Variants in INPP4B observed in about 807,000 individuals in gnomAD.
INPP4B encodes inositol polyphosphate 4-phosphatase type II.
In INPP4B, 55 loss-of-function variants were observed where a neutral mutation model predicts 122.5. The observed-to-expected ratio is 0.45, with a 90% CI of 0.36 to 0.56. The LOEUF (loss-of-function observed/expected upper bound fraction) is 0.56. INPP4B is among the 20% of genes least tolerant of loss of function. The pLI is 0.00. For synonymous variants in INPP4B, 403 were observed against 388.7 expected (o/e 1.04, Z -0.43); for missense variants, 1,000 against 1,097.7 (o/e 0.91, Z 1.26).
intron 1 of INPP4B, among the ~76,000 whole-genome samples, chr4:142,742,281 T>C (rs1166975638): frequency 1.3e-5 from 2 of 152,034 alleles, no homozygotes; most frequent in Admixed American, 6.6e-5. Flanking sequence ...GGGGACATTT[T>C]TGTGGAACCC....
At chr4:142,756,712 C>A (rs1489342829) in intron 1 of INPP4B, among the ~76,000 whole-genome samples, 1 of 151,986 alleles carries the variant, frequency 6.6e-6, no homozygotes, top group Admixed American at 6.6e-5. Context: ...AAAGAACAGA[C>A]CTGAATTAAT....
At position 142,780,022 on chromosome 4, in the gene INPP4B, ACTT is replaced by A. The variant is rs551645019; in HGVS notation, c.-253-54124_-253-54122del. Among the ~76,000 whole-genome samples the A allele has an allele frequency of 9.2e-4, 140 of 152,266 alleles. 2 individuals are homozygous for A. Among genetic ancestry groups the A allele is most frequent in the Non-Finnish European group, 1.6e-4 (11 of 68,014 alleles). On this transcript the variant is annotated intron_variant, in intron 1 of 25. Transcript: ENST00000262992. ...AGAAGATGTGTCCAAATCGCAGTGC[ACTT>A]CAGAGAAATGAGCCCATATTTACTA... is the stretch of plus-strand genomic sequence containing the variant.
chr4:142,770,492 G>A (rs145263322), intron 1 of INPP4B, among the ~76,000 whole-genome samples: 3 of 151,968 alleles, frequency 2.0e-5, no homozygotes, highest in African/African-American at 7.2e-5. Flanking sequence ...GGCACCAGGA[G>A]CATCAAATCT....
intron 25 of INPP4B, among the ~76,000 whole-genome samples, chr4:142,072,243 G>T (rs1034336219): frequency 1.3e-5 from 2 of 151,828 alleles, no homozygotes; most frequent in African/African-American, 4.8e-5. Context: ...AGGACAGAAA[G>T]CCAAACACCA....
chr4:142,554,871 C>G (rs1178596276), intron 2 of INPP4B, among the ~76,000 whole-genome samples: 1 of 152,156 alleles, frequency 6.6e-6, no homozygotes, highest in Non-Finnish European at 1.5e-5. Context: ...TTAAACATAC[C>G]ATGTTTTTCC....
At chr4:142,150,145 A>C (rs1813034421) in intron 17 of INPP4B, among the ~76,000 whole-genome samples, 1 of 152,194 alleles carries the variant, frequency 6.6e-6, no homozygotes, top group Non-Finnish European at 1.5e-5. Context: ...CACAGGGGAA[A>C]TGCCTTATGC....
chr4:142,126,734 T>C (rs920724224), intron 18 of INPP4B, among the ~76,000 whole-genome samples: 11 of 152,124 alleles, frequency 7.2e-5, no homozygotes, highest in Non-Finnish European at 1.3e-4. Context: ...AACTGTTGAT[T>C]CTTATGTCAT....
At chr4:142,819,119 C>G (rs938368186) in intron 1 of INPP4B, among the ~76,000 whole-genome samples, 1 of 152,122 alleles carries the variant, frequency 6.6e-6, no homozygotes, top group Non-Finnish European at 1.5e-5. Context: ...ACTTGTATTC[C>G]CACCCTTTGG....
At chr4:142,198,857 C>T (rs565115663) in intron 14 of INPP4B, among the ~76,000 whole-genome samples, 1 of 152,166 alleles carries the variant, frequency 6.6e-6, no homozygotes, top group African/African-American at 2.4e-5. Context: ...CTCACACTCT[C>T]CTAAGGCTCT....
intron 25 of INPP4B, among the ~76,000 whole-genome samples, chr4:142,041,025 A>C (rs1272006916): frequency 6.6e-6 from 1 of 152,214 alleles, no homozygotes; most frequent in African/African-American, 2.4e-5. Context: ...CTGAGAAGGC[A>C]GTCTGACTCC....
chr4:142,845,585 A>G (rs1261132570), intron 1 of INPP4B, among the ~76,000 whole-genome samples: 1 of 152,162 alleles, frequency 6.6e-6, no homozygotes, highest in African/African-American at 2.4e-5. Context: ...CTCTGCCAGA[A>G]TGAGTTGTTG....
intron 15 of INPP4B, among the ~76,000 whole-genome samples, chr4:142,176,987 C>T (rs539780637): frequency 1.1e-3 from 171 of 152,280 alleles, no homozygotes; most frequent in African/African-American, 3.8e-3. Flanking sequence ...GCTCTCCTAA[C>T]CTTTTTCATC....
At chr4:142,075,066 C>A (rs1769835740) in intron 25 of INPP4B, among the ~76,000 whole-genome samples, 2 of 151,912 alleles carry the variant, frequency 1.3e-5, no homozygotes. Flanking sequence ...TAGCAGTTTC[C>A]CCATATAGGA....
chr4:142,405,563 C>G (rs961229062), intron 5 of INPP4B, among the ~76,000 whole-genome samples: 1 of 152,120 alleles, frequency 6.6e-6, no homozygotes, highest in Non-Finnish European at 1.5e-5. Context: ...CAAGTCTTTA[C>G]TGGTCTGAGA....
At chr4:142,287,854 A>G (rs1291433574) in intron 9 of INPP4B, among the ~76,000 whole-genome samples, 1 of 152,214 alleles carries the variant, frequency 6.6e-6, no homozygotes, top group Admixed American at 6.5e-5. Flanking sequence ...AACTTAAAAA[A>G]ACAGACATTT....
intron 2 of INPP4B, among the ~76,000 whole-genome samples, chr4:142,689,499 T>G (rs1250095476): frequency 2.0e-5 from 3 of 152,214 alleles, no homozygotes; most frequent in Non-Finnish European, 4.4e-5. Context: ...AGTGCTGAAT[T>G]GCCCATGATA....
chr4:142,043,748 T>C (rs914662653), intron 25 of INPP4B, among the ~76,000 whole-genome samples: 1 of 152,244 alleles, frequency 6.6e-6, no homozygotes, highest in African/African-American at 2.4e-5. Flanking sequence ...GAGGCTATGT[T>C]GTAAATGTTT....
At chr4:142,690,091 G>GATCT (rs990628636) in intron 2 of INPP4B, among the ~76,000 whole-genome samples, 1 of 152,136 alleles carries the variant, frequency 6.6e-6, no homozygotes, top group African/African-American at 2.4e-5. Flanking sequence ...ACCAAAAAGA[G>GATCT]ATCTAGTCAC....
intron 2 of INPP4B, among the ~76,000 whole-genome samples, chr4:142,687,790 G>A (rs1759583920): frequency 6.6e-6 from 1 of 151,994 alleles, no homozygotes; most frequent in Admixed American, 6.6e-5. Context: ...GTGGATGTTG[G>A]GGGACTCTCA....
Sources: allele counts gnomAD v4.1 joint callset (sites outside exome capture counted in the v4.1 genomes callset), GRCh38; gene constraint gnomAD v4.1.1; transcripts MANE v1.5; gene names NCBI Gene and HGNC (gene_info 2026-07-23, HGNC 2026-07-21).